Variants in KIAA0825 observed in about 807,000 individuals in gnomAD.
KIAA0825 encodes uncharacterized protein KIAA0825.
In KIAA0825, 119 loss-of-function variants were observed where a neutral mutation model predicts 147.6. The ratio of observed to expected loss-of-function variants is 0.81; its 90% confidence interval spans 0.69 to 0.94. The LOEUF is 0.94. KIAA0825 is among the 40% of genes least tolerant of loss of function. The probability of loss-of-function intolerance (pLI) is 0.00; values close to 1 mark genes in which losing one functional copy is unlikely to be tolerated. For missense variants in KIAA0825, 1,381 were observed against 1,472.7 expected (o/e 0.94, Z 1.02); for synonymous variants, 470 against 518.1 (o/e 0.91, Z 1.26).
chr5:94,453,213 C>A, intron 12 of KIAA0825, 144 bp from the exon 13 acceptor site: 1 of 574,518 alleles, frequency 1.7e-6, no homozygotes, highest in Non-Finnish European at 3.0e-6. Flanking sequence ...TGCTCTGTCG[C>A]CCAGTCTGGA....
rs780889364 is a variant in KIAA0825 at position 94,520,532 on chromosome 5, G to C, written c.686C>G (p.Pro229Arg). The change falls in exon 5 of 21, where the codon CCT (proline) becomes CGT (arginine). Residue 229 changes from proline to arginine, a missense_variant. Coordinates refer to ENST00000682413, the MANE Select transcript of KIAA0825 (RefSeq NM_001145678.3). ...LLANLLWNCF[P>R]SYNRDSNLDV... ...TAAATTTGAATCTCTGTTGTAAGAA[G>C]GAAAGCAGTTCCACAGAAGATTAGC... 1 of 1,613,148 alleles carries C rather than the reference G, an allele frequency of 6.2e-7. No homozygotes were observed. Among genetic ancestry groups the C allele is most frequent in the South Asian group, 1.1e-5 (1 of 91,054 alleles).
At chr5:94,594,016 C>T (rs967318602) in intron 1 of KIAA0825, 5 of 515,684 alleles carry the variant, frequency 9.7e-6, no homozygotes, top group East Asian at 5.4e-5. Context: ...CTATGATCCA[C>T]CTCAAAGGGA....
chr5:94,426,042 T>TATTATTATTATTATC, intron 14 of KIAA0825, among the ~76,000 whole-genome samples: 1 of 150,244 alleles, frequency 6.7e-6, no homozygotes, highest in East Asian at 2.0e-4. Context: ...TCATTATTAT[T>TATTATTATTATTATC]ATTATTATTA....
intron 20 of KIAA0825, among the ~76,000 whole-genome samples, chr5:94,174,088 T>A (rs1768877406): frequency 1.3e-5 from 2 of 152,218 alleles, no homozygotes; most frequent in Admixed American, 1.3e-4. Flanking sequence ...CTTAAAATAT[T>A]TAACATGAAA....
rs578010858 is a variant in KIAA0825 at position 94,343,388 on chromosome 5, T to C, written c.3710+40980A>G. Among the ~76,000 whole-genome samples, 18 of 152,216 alleles carry C rather than the reference T, an allele frequency of 1.2e-4. No homozygotes were observed. The East Asian group carries it at 3.5e-3, about 29-fold the overall frequency. Reference sequence around the variant, plus strand: ...TAAAATCTTCTATTTACCAAAGACATCATTAAGAAGGTGAAAAGGAGGCCA... The same window carrying C: ...TAAAATCTTCTATTTACCAAAGACACCATTAAGAAGGTGAAAAGGAGGCCA... On this transcript the variant is annotated intron_variant, in intron 20 of 20. Transcript: ENST00000682413.
intron 20 of KIAA0825, among the ~76,000 whole-genome samples, chr5:94,156,615 CATG>C: frequency 6.6e-6 from 1 of 152,128 alleles, no homozygotes; most frequent in Admixed American, 6.5e-5. Context: ...TAATAGAATC[CATG>C]ATAAGGATTT....
At chr5:94,201,275 T>G (rs1268421870) in intron 20 of KIAA0825, among the ~76,000 whole-genome samples, 1 of 151,458 alleles carries the variant, frequency 6.6e-6, no homozygotes, top group Non-Finnish European at 1.5e-5. Flanking sequence ...AATGTATAAC[T>G]TATTATACAT....
intron 20 of KIAA0825, among the ~76,000 whole-genome samples, chr5:94,221,712 C>T (rs1436406420): frequency 2.0e-5 from 3 of 152,122 alleles, no homozygotes; most frequent in Non-Finnish European, 4.4e-5. Flanking sequence ...CATGGAAAAC[C>T]TAAGTAGTCT....
chr5:94,335,141 A>C (rs1187777866), intron 20 of KIAA0825, among the ~76,000 whole-genome samples: 3 of 152,198 alleles, frequency 2.0e-5, no homozygotes, highest in Admixed American at 1.3e-4. Flanking sequence ...TCTAAAATAA[A>C]AATAGCTATT....
rs567054579 is a variant in KIAA0825 at position 94,495,002 on chromosome 5, AC to A, written c.971-10073del. 3.7e-4 allele frequency among the ~76,000 whole-genome samples: 56 copies of A among 152,340 alleles called. No homozygotes were observed. In the South Asian group the frequency reaches 5.2e-3, roughly 14 times the overall value. On this transcript the variant is annotated intron_variant, in intron 5 of 20. Coordinates refer to ENST00000682413, the MANE Select transcript of KIAA0825 (RefSeq NM_001145678.3). The stretch of plus-strand genomic sequence containing the variant: ...AGTGTGCTTCCTAATACACTTTCCA[AC>A]CGAATCACAGCCTTTTAAAAGAAGT...
rs117897784 is a variant in KIAA0825 at position 94,363,901 on chromosome 5, C to T, written c.3710+20467G>A. On this transcript the variant is annotated intron_variant, in intron 20 of 20. Coordinates refer to ENST00000682413, the MANE Select transcript of KIAA0825 (RefSeq NM_001145678.3). ...AAATTCAATAAATGAATTAACAACG[C>T]CTCTTTCTCTTGGTGATTCTTTCTT... Among the ~76,000 whole-genome samples, 54 of 152,044 alleles carry T rather than the reference C, an allele frequency of 3.6e-4. No homozygotes were observed. In the East Asian group the frequency reaches 8.9e-3, roughly 25 times the overall value.
intron 20 of KIAA0825, among the ~76,000 whole-genome samples, chr5:94,171,666 C>T (rs2149950709): frequency 6.6e-6 from 1 of 151,966 alleles, no homozygotes; most frequent in Middle Eastern, 3.4e-3. Context: ...CTTTCTTGAC[C>T]CATGCATGTA....
At chr5:94,546,792 CAA>C (rs372542896) in intron 2 of KIAA0825, among the ~76,000 whole-genome samples, 5 of 49,690 alleles carry the variant, frequency 1.0e-4, no homozygotes, top group Non-Finnish European at 1.5e-4. Flanking sequence ...GTCCAGGCAC[CAA>C]AAAAAAAAAA....
intron 2 of KIAA0825, chr5:94,567,539 C>G (rs1778924054): frequency 6.6e-6 from 1 of 152,224 alleles, no homozygotes; most frequent in Non-Finnish European, 1.5e-5. Flanking sequence ...CGCCAACAAC[C>G]TATTTCAACT....
At chr5:94,578,598 C>T (rs1384833901) in intron 2 of KIAA0825, among the ~76,000 whole-genome samples, 1 of 151,996 alleles carries the variant, frequency 6.6e-6, no homozygotes, top group Non-Finnish European at 1.5e-5. Context: ...GTTACTAGAT[C>T]TCATTATAAT....
At chr5:94,333,863 G>A (rs1346494525) in intron 20 of KIAA0825, among the ~76,000 whole-genome samples, 2 of 152,068 alleles carry the variant, frequency 1.3e-5, no homozygotes, top group African/African-American at 4.8e-5. Flanking sequence ...GCTACAAAGA[G>A]AATAAAATAC....
intron 2 of KIAA0825, among the ~76,000 whole-genome samples, chr5:94,563,252 G>A (rs1777904445): frequency 1.3e-5 from 2 of 151,752 alleles, no homozygotes; most frequent in African/African-American, 2.4e-5. Context: ...CAGCTACTCC[G>A]GAGGCTGAGG....
intron 20 of KIAA0825, among the ~76,000 whole-genome samples, chr5:94,321,992 G>A (rs1428718019): frequency 1.3e-5 from 2 of 151,700 alleles, no homozygotes; most frequent in Non-Finnish European, 2.9e-5. Context: ...ATCTTAAATT[G>A]GTTTTTACAC....
At chr5:94,542,863 C>A (rs1282459914) in intron 2 of KIAA0825, among the ~76,000 whole-genome samples, 1 of 152,064 alleles carries the variant, frequency 6.6e-6, no homozygotes, top group African/African-American at 2.4e-5. Context: ...ACATAAAGGA[C>A]ACAATAACCA....
Sources: allele counts gnomAD v4.1 joint callset (sites outside exome capture counted in the v4.1 genomes callset), GRCh38; gene constraint gnomAD v4.1.1; transcripts MANE v1.5; gene names NCBI Gene and HGNC (gene_info 2026-07-23, HGNC 2026-07-21).